SLC8A1: variants seen among roughly 807,000 people sequenced by gnomAD.
The protein encoded by SLC8A1 is sodium/calcium exchanger 1.
In SLC8A1, 18 loss-of-function variants were observed where a neutral mutation model predicts 68.3. The observed-to-expected ratio is 0.26, with a 90% CI of 0.18 to 0.39. The LOEUF is 0.39. Among genes scored for constraint, SLC8A1 ranks in the 10% least tolerant of loss-of-function variants. The probability of loss-of-function intolerance (pLI) is 1.00; values close to 1 mark genes in which losing one functional copy is unlikely to be tolerated. For synonymous variants in SLC8A1, 475 were observed against 415.5 expected, an observed-to-expected ratio of 1.14 and a Z score of -1.74; for missense variants, 985 against 1,156.7, an observed-to-expected ratio of 0.85 and a Z score of 2.15.
At chr2:40,287,371 C>T (rs1002235143) in intron 2 of SLC8A1, among the ~76,000 whole-genome samples, 3 of 152,042 alleles carry the variant, frequency 2.0e-5, no homozygotes, top group Non-Finnish European at 4.4e-5. Context: ...GCAGTCTATA[C>T]GTGTTCTCAG....
chr2:40,448,556 T>C (rs1478333677), intron 1 of SLC8A1, among the ~76,000 whole-genome samples: 4 of 152,154 alleles, frequency 2.6e-5, no homozygotes, highest in Non-Finnish European at 5.9e-5. Context: ...AATCCACTGG[T>C]TTTGTTAGCC....
At chr2:40,479,150 T>G (rs1030211211) in intron 1 of SLC8A1, among the ~76,000 whole-genome samples, 1 of 152,186 alleles carries the variant, frequency 6.6e-6, no homozygotes, top group Non-Finnish European at 1.5e-5. Context: ...GTACAAAGAT[T>G]TAGACATGTG....
intron 2 of SLC8A1, among the ~76,000 whole-genome samples, chr2:40,349,837 A>G (rs1670505531): frequency 6.6e-6 from 1 of 152,204 alleles, no homozygotes; most frequent in Admixed American, 6.5e-5. Context: ...TCACAAATCA[A>G]AAAAGCTTGA....
chr2:40,457,136 T>G (rs1297561988), intron 1 of SLC8A1, among the ~76,000 whole-genome samples: 1 of 152,212 alleles, frequency 6.6e-6, no homozygotes, highest in Non-Finnish European at 1.5e-5. Context: ...AAATTTTGAT[T>G]GTCACATTAC....
intron 2 of SLC8A1, among the ~76,000 whole-genome samples, chr2:40,292,330 T>A (rs770340307): frequency 2.0e-5 from 3 of 152,170 alleles, no homozygotes; most frequent in Non-Finnish European, 4.4e-5. Flanking sequence ...TCTCTCATGA[T>A]TTCCCCTGCC....
chr2:40,441,746 C>T (rs1056373417), intron 1 of SLC8A1, among the ~76,000 whole-genome samples: 1 of 152,012 alleles, frequency 6.6e-6, no homozygotes. Flanking sequence ...CCCTTCCCTA[C>T]ACCTTATACA....
chr2:40,228,494 G>C (rs1354015278), intron 2 of SLC8A1, among the ~76,000 whole-genome samples: 1 of 152,186 alleles, frequency 6.6e-6, no homozygotes, highest in Non-Finnish European at 1.5e-5. Flanking sequence ...TTCAACAGTA[G>C]AAGCCAACGG....
chr2:40,479,076 C>G (rs1483681370), intron 1 of SLC8A1, among the ~76,000 whole-genome samples: 1 of 152,138 alleles, frequency 6.6e-6, no homozygotes, highest in East Asian at 1.9e-4. Context: ...CCGGCCTCAA[C>G]CACCTAATTT....
chr2:40,326,540 C>T (rs2075844512), intron 2 of SLC8A1, among the ~76,000 whole-genome samples: 1 of 152,116 alleles, frequency 6.6e-6, no homozygotes, highest in Non-Finnish European at 1.5e-5. Flanking sequence ...TGTCACAGCC[C>T]ACTCATTTTG....
At chr2:40,146,651 C>T (rs896234128) in intron 6 of SLC8A1, among the ~76,000 whole-genome samples, 17 of 139,378 alleles carry the variant, frequency 1.2e-4, no homozygotes, top group Non-Finnish European at 1.2e-4. Context: ...AGTGAAAGAT[C>T]GTCAGGCATT....
At chr2:40,375,337 G>T (rs913963649) in intron 2 of SLC8A1, among the ~76,000 whole-genome samples, 1 of 152,034 alleles carries the variant, frequency 6.6e-6, no homozygotes, top group Admixed American at 6.6e-5. Context: ...TGGTTTGTTT[G>T]GTTTATTTTC....
chr2:40,111,445 C>T (rs1474155731), exon 8 of SLC8A1: 1 of 151,890 alleles, frequency 6.6e-6, no homozygotes, highest in Non-Finnish European at 1.5e-5. Context: ...GAAAGTATAC[C>T]ACATATGACC....
chr2:40,221,365 A>G (rs1376959828), intron 2 of SLC8A1, among the ~76,000 whole-genome samples: 6 of 152,210 alleles, frequency 3.9e-5, no homozygotes, highest in African/African-American at 1.4e-4. Flanking sequence ...TAAACTAGGT[A>G]TTGATAGAAC....
chr2:40,304,715 T>C (rs935629377), intron 2 of SLC8A1, among the ~76,000 whole-genome samples: 1 of 152,074 alleles, frequency 6.6e-6, no homozygotes, highest in African/African-American at 2.4e-5. Flanking sequence ...ACTGATCACC[T>C]CCACTGTCTT....
chr2:40,404,212 G>C (rs1689636244), intron 2 of SLC8A1, among the ~76,000 whole-genome samples: 2 of 152,122 alleles, frequency 1.3e-5, no homozygotes, highest in African/African-American at 2.4e-5. Flanking sequence ...ATTCTCTATA[G>C]CTTTTACACT....
chr2:40,445,123 C>A (rs530803931), intron 1 of SLC8A1, among the ~76,000 whole-genome samples: 1 of 152,322 alleles, frequency 6.6e-6, no homozygotes, highest in African/African-American at 2.4e-5. Flanking sequence ...TTACTCCTCA[C>A]ACAAAACCAC....
chr2:40,271,892 G>T (rs1184418304), intron 2 of SLC8A1, among the ~76,000 whole-genome samples: 1 of 151,754 alleles, frequency 6.6e-6, no homozygotes, highest in Non-Finnish European at 1.5e-5. Flanking sequence ...TTAGAGTCAG[G>T]GTCTCACTCT....
At chr2:40,277,875 G>A (rs925524390) in intron 2 of SLC8A1, among the ~76,000 whole-genome samples, 23 of 143,354 alleles carry the variant, frequency 1.6e-4, no homozygotes, top group Non-Finnish European at 3.0e-4. Flanking sequence ...ACTGTCCTAA[G>A]GATATAAAAG....
chr2:40,229,926 T>G (rs954256838), intron 2 of SLC8A1, among the ~76,000 whole-genome samples: 7 of 152,178 alleles, frequency 4.6e-5, no homozygotes, highest in African/African-American at 1.7e-4. Flanking sequence ...AGTTCATATC[T>G]TTTTTGATGG....
Sources: gnomAD v4.1 joint callset for allele counts (sites outside exome capture counted in the v4.1 genomes callset) on GRCh38, gnomAD v4.1.1 for gene constraint, MANE v1.5 for transcripts, NCBI Gene and HGNC (gene_info 2026-07-23, HGNC 2026-07-21) for gene names.